Variants in EML1 observed in about 807,000 individuals in gnomAD.
EML1 encodes the protein echinoderm microtubule-associated protein-like 1.
A neutral mutation model predicts 110.4 loss-of-function variants in EML1; 27 were observed. The ratio of observed to expected loss-of-function variants is 0.24; its 90% CI spans 0.18 to 0.34. The LOEUF is 0.34. Among genes scored for constraint, EML1 ranks in the 10% least tolerant of loss-of-function variants. The pLI is 1.00. For synonymous variants in EML1, 344 were observed against 385.8 expected (o/e 0.89, Z 1.27); for missense variants, 741 against 1,030.9 (o/e 0.72, Z 3.85).
intron 1 of EML1, among the ~76,000 whole-genome samples, chr14:99,822,154 A>G (rs2058274806): frequency 1.3e-5 from 2 of 152,224 alleles, no homozygotes; most frequent in Non-Finnish European, 2.9e-5. Context: ...GGCAGGTTGC[A>G]TGTATCTTCA....
intron 3 of EML1, among the ~76,000 whole-genome samples, chr14:99,875,390 G>A (rs1044548709): frequency 1.3e-5 from 2 of 152,198 alleles, no homozygotes; most frequent in Non-Finnish European, 2.9e-5. Context: ...TAAAAGTCCA[G>A]AGTATGCCTT....
chr14:99,770,779 ATTTTTTTT>A (rs34744469), upstream of EML1, among the ~76,000 whole-genome samples: 76 of 91,636 alleles, frequency 8.3e-4, 3 homozygotes, highest in African/African-American at 3.0e-3. Flanking sequence ...GTTTCCGCTG[ATTTTTTTT>A]TTTTTTTTTT....
chr14:99,773,470 G>A (rs2057447116), exon 1 of EML1: 1 of 152,244 alleles, frequency 6.6e-6, no homozygotes, highest in Admixed American at 6.5e-5. Flanking sequence ...GAGAGGGGTG[G>A]ACGTTGCCCA....
intron 1 of EML1, among the ~76,000 whole-genome samples, chr14:99,757,295 C>T (rs1259610681): frequency 2.0e-5 from 3 of 150,974 alleles, no homozygotes; most frequent in South Asian, 2.1e-4. Context: ...GCGAAGATCG[C>T]GCCATTGCAC....
chr14:99,787,084 C>G (rs888428542), intron 1 of EML1, among the ~76,000 whole-genome samples: 7 of 152,240 alleles, frequency 4.6e-5, no homozygotes, highest in African/African-American at 1.7e-4. Context: ...GTAGAAGGGA[C>G]AGCTGCATCA....
chr14:99,826,563 G>A (rs981057878), intron 1 of EML1, among the ~76,000 whole-genome samples: 1 of 152,084 alleles, frequency 6.6e-6, no homozygotes, highest in Non-Finnish European at 1.5e-5. Flanking sequence ...TAAGCAGCAC[G>A]CCACAGCCTT....
At chr14:99,917,760 C>T in intron 15 of EML1, 22 bp from the exon 16 acceptor site, 1 of 1,613,310 alleles carries the variant, frequency 6.2e-7, no homozygotes, top group South Asian at 1.1e-5. Context: ...CATCAATTTA[C>T]ACTTCCTTTA....
At chr14:99,804,174 A>T (rs1442929093) in intron 1 of EML1, among the ~76,000 whole-genome samples, 1 of 152,122 alleles carries the variant, frequency 6.6e-6, no homozygotes, top group Non-Finnish European at 1.5e-5. Context: ...GAGTTGATAT[A>T]ATTTAATTAT....
intron 1 of EML1, among the ~76,000 whole-genome samples, chr14:99,750,652 C>G (rs1315381157): frequency 6.6e-6 from 1 of 152,100 alleles, no homozygotes; most frequent in Admixed American, 6.5e-5. Context: ...CATTTTAGGT[C>G]GAGTCCCCTG....
chr14:99,904,072 C>T (rs898846984), intron 9 of EML1, among the ~76,000 whole-genome samples: 1 of 152,194 alleles, frequency 6.6e-6, no homozygotes. Flanking sequence ...TGTGAGCCAT[C>T]GTGCCTGGCC....
chr14:99,919,370 A>C (rs2060088276), intron 16 of EML1, among the ~76,000 whole-genome samples: 1 of 151,732 alleles, frequency 6.6e-6, no homozygotes, highest in Non-Finnish European at 1.5e-5. Context: ...TGTAGCCAAC[A>C]GAATTCTTCA....
chr14:99,898,314 T>C lies in EML1; in HGVS notation c.897+12T>C, dbSNP rs761567399. On this transcript the variant is annotated intron_variant, in intron 8 of 21. Coordinates refer to ENST00000262233, the MANE Select transcript of EML1 (RefSeq NM_004434.3). ...CGAAGGATGGAAAAGTGAGTTACGTTACCTTTTCATTGTTTCATAATGAAC... is the reference window on the plus strand; with the variant it reads ...CGAAGGATGGAAAAGTGAGTTACGTCACCTTTTCATTGTTTCATAATGAAC... 6.2e-7 allele frequency: 1 copy of C among 1,607,592 alleles called. No homozygotes were observed. The highest frequency in any genetic ancestry group is 8.5e-7 in the Non-Finnish European group (1 of 1,176,576).
At chr14:99,809,971 C>T (rs1275577283) in intron 1 of EML1, among the ~76,000 whole-genome samples, 1 of 152,168 alleles carries the variant, frequency 6.6e-6, no homozygotes, top group Non-Finnish European at 1.5e-5. Flanking sequence ...GGTTTCCAGA[C>T]CAGTATAACC....
intron 1 of EML1, among the ~76,000 whole-genome samples, chr14:99,760,433 G>C (rs1014748269): frequency 2.0e-5 from 3 of 152,204 alleles, no homozygotes; most frequent in Non-Finnish European, 4.4e-5. Context: ...AACAACTGCG[G>C]AACATGGAGT....
At chr14:99,932,727 G>A (rs1373843630) in intron 17 of EML1, among the ~76,000 whole-genome samples, 2 of 151,712 alleles carry the variant, frequency 1.3e-5, no homozygotes, top group Admixed American at 6.6e-5. Context: ...CACTTGAAAT[G>A]TGTGCATTTT....
chr14:99,924,119 C>G (rs1398842969), intron 17 of EML1, among the ~76,000 whole-genome samples: 1 of 152,170 alleles, frequency 6.6e-6, no homozygotes, highest in Non-Finnish European at 1.5e-5. Flanking sequence ...CTCAGCAATG[C>G]TTTATAGTTG....
intron 6 of EML1, among the ~76,000 whole-genome samples, chr14:99,896,890 A>G (rs1427007275): frequency 2.0e-5 from 3 of 152,192 alleles, no homozygotes; most frequent in Non-Finnish European, 4.4e-5. Flanking sequence ...AATTGACTCA[A>G]TAGCTTTCTA....
chr14:99,916,821 C>G (rs975514274), intron 15 of EML1, among the ~76,000 whole-genome samples: 5 of 152,190 alleles, frequency 3.3e-5, no homozygotes, highest in Non-Finnish European at 7.3e-5. Flanking sequence ...ATAATTCTTC[C>G]TCTCCTGGGA....
At chr14:99,821,515 G>A (rs2058262560) in intron 1 of EML1, among the ~76,000 whole-genome samples, 1 of 152,156 alleles carries the variant, frequency 6.6e-6, no homozygotes, top group African/African-American at 2.4e-5. Context: ...AAACAAAAAT[G>A]CCTCCCAGTA....
Sources: gnomAD v4.1 joint callset for allele counts (sites outside exome capture counted in the v4.1 genomes callset) on GRCh38, gnomAD v4.1.1 for gene constraint, MANE v1.5 for transcripts, NCBI Gene and HGNC (gene_info 2026-07-23, HGNC 2026-07-21) for gene names.